Variants in ZNF618 observed in about 807,000 individuals in gnomAD.
ZNF618 encodes neural precursor cell expressed, developmentally down-regulated 10.
In ZNF618, 34 loss-of-function variants were observed where a neutral mutation model predicts 103.0. That is an observed-to-expected ratio of 0.33 (90% confidence interval 0.25 to 0.44). The LOEUF is 0.44. Among genes scored for constraint, ZNF618 ranks in the 20% least tolerant of loss-of-function variants. The pLI is 1.00. For synonymous variants in ZNF618, 551 were observed against 542.2 expected (o/e 1.02, Z -0.23); for missense variants, 1,059 against 1,295.4 (o/e 0.82, Z 2.80).
At chr9:113,989,878 C>T (rs141668331) in intron 3 of ZNF618, among the ~76,000 whole-genome samples, 104 of 152,352 alleles carry the variant, frequency 6.8e-4, no homozygotes, top group African/African-American at 2.1e-3. Flanking sequence ...TGCAGCTTGC[C>T]TGCCCCCTGC....
At chr9:113,946,197 C>T (rs1835013866) in intron 1 of ZNF618, among the ~76,000 whole-genome samples, 1 of 152,224 alleles carries the variant, frequency 6.6e-6, no homozygotes, top group Non-Finnish European at 1.5e-5. Flanking sequence ...ATCAAGGCCA[C>T]AGGCTTAGCC....
chr9:113,998,690 G>T (rs552207858), intron 4 of ZNF618, among the ~76,000 whole-genome samples: 30 of 152,356 alleles, frequency 2.0e-4, no homozygotes, highest in Admixed American at 5.9e-4. Context: ...GGAGACCCTG[G>T]GTTAAACAGT....
intron 1 of ZNF618, among the ~76,000 whole-genome samples, chr9:113,887,153 C>T (rs949919486): frequency 2.0e-5 from 3 of 151,724 alleles, no homozygotes; most frequent in Non-Finnish European, 2.9e-5. Flanking sequence ...CACACAACAC[C>T]GTCATCAGAT....
chr9:113,886,999 T>TA (rs1362708928), intron 1 of ZNF618, among the ~76,000 whole-genome samples: 1 of 128,378 alleles, frequency 7.8e-6, no homozygotes, highest in African/African-American at 3.1e-5. Flanking sequence ...TTTTTTTTTT[T>TA]AACAATGTGG....
chr9:114,052,231 C>T lies in ZNF618; in HGVS notation c.*2064C>T, dbSNP rs941469988. 6.6e-6 allele frequency: 1 copy of T among 152,662 alleles called. No homozygotes were observed. Among genetic ancestry groups the T allele is most frequent in the African/African-American group, 2.4e-5 (1 of 41,442 alleles). The allele number at this position is 152,662 out of a possible 1,614,324, so 9.5% of individuals were successfully genotyped here. A position where few individuals can be genotyped will look rare whatever the true frequency, so the allele number is the denominator to read the frequency against. On this transcript the variant is annotated 3_prime_UTR_variant, in exon 15 of 15. Coordinates refer to ENST00000374126, the MANE Select transcript of ZNF618 (RefSeq NM_001318042.2). ...GGGGCCAAGCCTGCACACTTTGCCT[C>T]ATGAGAACTCACCCAGCTCTCCCCT...
chr9:114,037,899 A>G (rs1446754984), intron 13 of ZNF618, among the ~76,000 whole-genome samples: 1 of 152,108 alleles, frequency 6.6e-6, no homozygotes, highest in African/African-American at 2.4e-5. Context: ...TGCCTCGGAG[A>G]CCTGCTCTAA....
At chr9:114,018,729 C>T (rs1349788441) in intron 10 of ZNF618, among the ~76,000 whole-genome samples, 1 of 152,164 alleles carries the variant, frequency 6.6e-6, no homozygotes, top group Admixed American at 6.5e-5. Flanking sequence ...TTCTGTGTTC[C>T]TCACTTTCTT....
chr9:113,944,321 G>T (rs896916562), intron 1 of ZNF618, among the ~76,000 whole-genome samples: 2 of 152,036 alleles, frequency 1.3e-5, no homozygotes, highest in African/African-American at 4.8e-5. Flanking sequence ...TCTGTTACCT[G>T]GGCTGGAGTG....
At chr9:114,001,874 C>A in intron 4 of ZNF618, 122 bp from the exon 5 acceptor site, 1 of 857,184 alleles carries the variant, frequency 1.2e-6, no homozygotes, top group South Asian at 1.4e-5. Context: ...TGCCTCCTTG[C>A]CAGGGACCAT....
At chr9:113,995,968 AT>A (rs1353990413) in intron 3 of ZNF618, among the ~76,000 whole-genome samples, 2 of 152,266 alleles carry the variant, frequency 1.3e-5, no homozygotes, top group Admixed American at 6.5e-5. Context: ...CACCTGCCAG[AT>A]TCTCTGGCAC....
chr9:113,913,700 A>G (rs1478393208), intron 1 of ZNF618, among the ~76,000 whole-genome samples: 2 of 151,598 alleles, frequency 1.3e-5, no homozygotes, highest in African/African-American at 4.8e-5. Context: ...TTGTTTGGCT[A>G]AACCAGTAGG....
intron 7 of ZNF618, 82 bp from the exon 8 acceptor site, chr9:114,008,262 C>T: frequency 1.3e-6 from 2 of 1,577,484 alleles, no homozygotes; most frequent in Non-Finnish European, 1.7e-6. Context: ...GGAGCAGTGG[C>T]AGAGGCAGCT....
chr9:114,015,622 T>A (rs1037240416), intron 9 of ZNF618, among the ~76,000 whole-genome samples: 1 of 152,230 alleles, frequency 6.6e-6, no homozygotes, highest in African/African-American at 2.4e-5. Context: ...GCAAAGATTA[T>A]ATGGAATAGC....
Position 114,049,140 on chromosome 9 carries a change from C to G in ZNF618, c.1838C>G (p.Thr613Arg). 3 of 1,613,852 alleles carry G rather than the reference C, an allele frequency of 1.9e-6. No individual in the cohort carries two copies. Among genetic ancestry groups the G allele is most frequent in the Non-Finnish European group, 2.5e-6 (3 of 1,179,896 alleles). ...LSEFVMSEIR[T>R]VYVTDCRVST... The stretch of plus-strand genomic sequence containing the variant: ...GAGTTCGTGATGTCGGAGATCAGGA[C>G]AGTGTACGTGACGGATTGCCGGGTG... The change falls in exon 15 of 15, where the codon ACA becomes AGA. Residue 613 changes from threonine (T) to arginine (R), a missense_variant. Coordinates refer to ENST00000374126, the MANE Select transcript of ZNF618 (RefSeq NM_001318042.2).
intron 1 of ZNF618, among the ~76,000 whole-genome samples, chr9:113,951,551 ATGTGTGTG>A (rs1219642505): frequency 3.9e-5 from 2 of 51,232 alleles, no homozygotes; most frequent in African/African-American, 1.1e-4. Flanking sequence ...ATGTACACAT[ATGTGTGTG>A]TATATGTGTG....
Position 114,009,930 on chromosome 9 carries a change from G to A in ZNF618, c.754+1376G>A, listed in dbSNP as rs183023362. Among the ~76,000 whole-genome samples, 6 of 152,334 alleles carry A rather than the reference G, an allele frequency of 3.9e-5. No individual in the cohort carries two copies. In the South Asian group the frequency reaches 8.3e-4, roughly 21 times the overall value. On this transcript the variant is annotated intron_variant, in intron 9 of 14. Transcript: ENST00000374126. ...TGAAAGCATTCAGGAAACTGAAGAT[G>A]AGATAATGTCTATAAAGTGGTCAGC...
rs747359850 is a variant in ZNF618, at chr9:114,002,663, G to GT, written c.550+2dup. ...TCAGGGGAGGGAGCCTCCCAAAGCAGTGAGTACTTTTTCCTCCTCGTGGGC... is the reference window on the plus strand; with the variant it reads ...TCAGGGGAGGGAGCCTCCCAAAGCAGTTGAGTACTTTTTCCTCCTCGTGGGC... On this transcript the variant is annotated splice_donor_variant, in intron 6 of 14. Transcript: ENST00000374126. LOFTEE classifies it high-confidence loss of function. 2 of 1,611,384 alleles carry GT rather than the reference G, an allele frequency of 1.2e-6. No homozygotes were observed. The highest frequency in any genetic ancestry group is 2.2e-5 in the South Asian group (2 of 90,872).
intron 2 of ZNF618, among the ~76,000 whole-genome samples, chr9:113,972,537 G>T (rs543549298): frequency 1.3e-5 from 2 of 151,918 alleles, no homozygotes; most frequent in Non-Finnish European, 2.9e-5. Context: ...TACTCACCAC[G>T]CCCTCCTGCT....
chr9:113,997,866 C>G (rs374053316), intron 3 of ZNF618, among the ~76,000 whole-genome samples: 6 of 152,310 alleles, frequency 3.9e-5, no homozygotes, highest in African/African-American at 1.2e-4. Flanking sequence ...GAAGGCCCTC[C>G]TTGCACCACT....
Sources: gnomAD v4.1 joint callset for allele counts (sites outside exome capture counted in the v4.1 genomes callset) on GRCh38, gnomAD v4.1.1 for gene constraint, MANE v1.5 for transcripts, NCBI Gene and HGNC (gene_info 2026-07-23, HGNC 2026-07-21) for gene names.